Variants in PAICS observed in about 807,000 individuals in gnomAD.
PAICS encodes the protein bifunctional phosphoribosylaminoimidazole carboxylase/phosphoribosylaminoimidazole succinocarboxamide synthetase.
Under a neutral mutation model 53.7 loss-of-function variants are expected in PAICS, and 33 were observed. The ratio of observed to expected loss-of-function variants is 0.61; its 90% CI spans 0.47 to 0.82. The LOEUF is 0.82. PAICS is among the 40% of genes least tolerant of loss of function. PAICS has a pLI of 0.00. For missense variants in PAICS, 394 were observed against 494.1 expected, an observed-to-expected ratio of 0.80 and a Z score of 1.92; for synonymous variants, 141 against 167.2, an observed-to-expected ratio of 0.84 and a Z score of 1.21.
At chr4:56,422,130 T>G in the PAICS span, 1 of 151,958 alleles carries the variant, frequency 6.6e-6, no homozygotes, top group Non-Finnish European at 1.5e-5. Context: ...AAAAATTAGC[T>G]AGGTGTGGTG....
chr4:56,419,688 C>T, the PAICS span: 41 of 983,524 alleles, frequency 4.2e-5, no homozygotes, highest in Non-Finnish European at 5.0e-5. Context: ...AGGAGGAAAG[C>T]ACTGGACTGT....
chr4:56,446,887 G>A lies in PAICS; in HGVS notation c.393+14G>A, dbSNP rs565026062. 66 of 1,541,278 alleles carry A rather than the reference G, an allele frequency of 4.3e-5. No individual in the cohort carries two copies. In the South Asian group the frequency reaches 6.7e-4, roughly 16 times the overall value. ...TTGTTTTTCAAGGTAATTATCTTAT[G>A]CCTCTGTTTTATGTCTTACTGTAAC... On this transcript the variant is annotated intron_variant, in intron 3 of 8. Coordinates refer to ENST00000512576, the MANE Select transcript of PAICS (RefSeq NM_001079524.2).
chr4:56,435,769 T>A (rs1717888141), upstream of PAICS: 1 of 1,501,604 alleles, frequency 6.7e-7, no homozygotes, highest in Admixed American at 2.0e-5. Flanking sequence ...CCCTAAGAGC[T>A]GCCTGGAAAG....
chr4:56,432,691 A>G (rs2110070831), upstream of PAICS, among the ~76,000 whole-genome samples: 1 of 151,566 alleles, frequency 6.6e-6, no homozygotes, highest in South Asian at 2.1e-4. Flanking sequence ...AGGCTGAGGC[A>G]GGAGAATGGC....
At chr4:56,413,157 GGTTTT>G in the PAICS span, among the ~76,000 whole-genome samples, 9 of 149,288 alleles carry the variant, frequency 6.0e-5, no homozygotes, top group Admixed American at 1.3e-4. Flanking sequence ...TTTGGTTTTT[GGTTTT>G]GTTTTGTTTT....
chr4:56,451,669 T>C (rs955768758), intron 6 of PAICS, among the ~76,000 whole-genome samples: 1 of 152,212 alleles, frequency 6.6e-6, no homozygotes, highest in African/African-American at 2.4e-5. Context: ...AATTGAATTC[T>C]TTAGGTCTTG....
intron 1 of PAICS, among the ~76,000 whole-genome samples, chr4:56,440,497 C>A (rs1050271536): frequency 6.6e-6 from 1 of 152,162 alleles, no homozygotes; most frequent in African/African-American, 2.4e-5. Flanking sequence ...CCCACCCCTT[C>A]CCCTGCCCAA....
At chr4:56,416,636 AT>A in the PAICS span, among the ~76,000 whole-genome samples, 1 of 152,328 alleles carries the variant, frequency 6.6e-6, no homozygotes, top group African/African-American at 2.4e-5. Context: ...TTTCCTAGAA[AT>A]ATTGGTTCTC....
At chr4:56,450,786 G>A (rs1718869823) in intron 6 of PAICS, 84 bp downstream of exon 6, 1 of 710,350 alleles carries the variant, frequency 1.4e-6, no homozygotes, top group African/African-American at 1.8e-5. Context: ...AAATGGGAGA[G>A]TATAGTGCTT....
At chr4:56,435,248 C>G, upstream of PAICS, 4 of 1,534,948 alleles carry the variant, frequency 2.6e-6, no homozygotes, top group Non-Finnish European at 3.5e-6. Context: ...TCGGAGAGGT[C>G]GGTCCTCCCG....
At chr4:56,416,652 T>G in the PAICS span, among the ~76,000 whole-genome samples, 1 of 152,196 alleles carries the variant, frequency 6.6e-6, no homozygotes, top group Non-Finnish European at 1.5e-5. Context: ...GTTCTCTAAT[T>G]TCCGAACTTT....
At chr4:56,436,408 A>G (rs1717964356) in intron 1 of PAICS, 80 bp downstream of exon 1, 3 of 1,151,634 alleles carry the variant, frequency 2.6e-6, no homozygotes, top group Non-Finnish European at 3.8e-6. Context: ...GAGCCGCGAA[A>G]CTCTGTCCCG....
upstream of PAICS, among the ~76,000 whole-genome samples, chr4:56,432,804 T>C (rs6842547): frequency 1.5e-5 from 1 of 66,244 alleles, no homozygotes; most frequent in Non-Finnish European, 4.0e-5. Flanking sequence ...AAAAAAAAAA[T>C]CAAGAAGATA....
At chr4:56,419,435 T>C in the PAICS span, among the ~76,000 whole-genome samples, 1 of 152,186 alleles carries the variant, frequency 6.6e-6, no homozygotes, top group African/African-American at 2.4e-5. Context: ...ACCGGCATAA[T>C]AATGGACAGA....
upstream of PAICS, chr4:56,435,322 C>A: frequency 6.2e-7 from 1 of 1,612,252 alleles, no homozygotes; most frequent in East Asian, 2.2e-5. Flanking sequence ...GAGACGCACG[C>A]CCCCGCCACC....
intron 1 of PAICS, among the ~76,000 whole-genome samples, chr4:56,439,533 G>A (rs1967559): frequency 0.17 from 25,136 of 152,084 alleles, 2,445 homozygotes; most frequent in Admixed American, 0.32. Context: ...CACTGTTCCC[G>A]GCCCACTGTT....
upstream of PAICS, among the ~76,000 whole-genome samples, chr4:56,432,560 C>A (rs1228504174): frequency 6.8e-6 from 1 of 147,802 alleles, no homozygotes; most frequent in African/African-American, 2.5e-5. Context: ...CCAAGGCGGG[C>A]AGATCACGAG....
the PAICS span, among the ~76,000 whole-genome samples, chr4:56,418,542 C>T: frequency 4.1e-4 from 62 of 152,118 alleles, no homozygotes; most frequent in Non-Finnish European, 7.9e-4. Flanking sequence ...TGGTCTCCAA[C>T]TCCTGAGCTC....
chr4:56,447,888 T>C (rs1305862435), intron 3 of PAICS, among the ~76,000 whole-genome samples: 1 of 152,134 alleles, frequency 6.6e-6, no homozygotes, highest in Non-Finnish European at 1.5e-5. Flanking sequence ...TCTTTAGATG[T>C]CTCATTTTGT....
Sources: allele counts gnomAD v4.1 joint callset (sites outside exome capture counted in the v4.1 genomes callset), GRCh38; gene constraint gnomAD v4.1.1; transcripts MANE v1.5; gene names NCBI Gene and HGNC (gene_info 2026-07-23, HGNC 2026-07-21).